PDE10A: variants seen among roughly 807,000 people sequenced by gnomAD.
PDE10A encodes the protein cAMP and cAMP-inhibited cGMP 3',5'-cyclic phosphodiesterase 10A.
Under a neutral mutation model 97.7 loss-of-function variants are expected in PDE10A, and 39 were observed. The ratio of observed to expected loss-of-function variants is 0.40; its 90% CI spans 0.31 to 0.52. The LOEUF is 0.52. Among genes scored for constraint, PDE10A ranks in the 20% least tolerant of loss-of-function variants. The pLI, the probability that PDE10A is intolerant of heterozygous loss-of-function variation, is 0.56. For synonymous variants in PDE10A, 371 were observed against 376.8 expected (o/e 0.98, Z 0.18); for missense variants, 731 against 1,047.8 (o/e 0.70, Z 4.17).
At chr6:165,818,426 A>G (rs1327671950) in intron 1 of PDE10A, among the ~76,000 whole-genome samples, 1 of 152,160 alleles carries the variant, frequency 6.6e-6, no homozygotes. Flanking sequence ...GGGAGTTGTA[A>G]AGAAAGTCAA....
chr6:165,399,052 A>G (rs888777748), intron 13 of PDE10A, among the ~76,000 whole-genome samples: 2 of 152,220 alleles, frequency 1.3e-5, no homozygotes, highest in Non-Finnish European at 2.9e-5. Flanking sequence ...GGTTGATTTC[A>G]GAACAAAGAT....
chr6:165,440,502 A>C (rs2128242966), intron 5 of PDE10A, among the ~76,000 whole-genome samples: 1 of 152,300 alleles, frequency 6.6e-6, no homozygotes, highest in South Asian at 2.1e-4. Flanking sequence ...TTACGGTGGA[A>C]AGAGCATAGC....
At position 165,673,078 on chromosome 6, in the gene PDE10A, G is replaced by A. The variant is rs1790693044; in HGVS notation, c.-614-129510C>T. ...CAGTTCAACCTAACTAACCACTTAA[G>A]TCTCAGACCTGTCATATCTAGGTGA... On this transcript the variant is annotated intron_variant, in intron 1 of 19. Coordinates refer to the PDE10A transcript ENST00000366882. Among the ~76,000 whole-genome samples, 6 of 119,876 alleles carry A rather than the reference G, an allele frequency of 5.0e-5. No homozygotes were observed. The South Asian group carries it at 1.7e-3, about 33-fold the overall frequency. The allele number at this position is 119,876 out of a possible 152,430, so 78.6% of individuals were successfully genotyped here.
At chr6:165,496,570 C>T (rs1562521346) in intron 2 of PDE10A, among the ~76,000 whole-genome samples, 1 of 152,202 alleles carries the variant, frequency 6.6e-6, no homozygotes, top group Non-Finnish European at 1.5e-5. Flanking sequence ...TTCAACTTAA[C>T]ATTAACTCTC....
At chr6:165,596,790 TACTC>T (rs1350070072) in intron 1 of PDE10A, among the ~76,000 whole-genome samples, 1 of 152,156 alleles carries the variant, frequency 6.6e-6, no homozygotes, top group Non-Finnish European at 1.5e-5. Flanking sequence ...CTTCCTGTCT[TACTC>T]AGAGAGCAGA....
intron 3 of PDE10A, among the ~76,000 whole-genome samples, chr6:165,465,758 T>C (rs1778606235): frequency 6.6e-6 from 1 of 152,096 alleles, no homozygotes; most frequent in Non-Finnish European, 1.5e-5. Flanking sequence ...TAGGGGGAAA[T>C]CGCCCCCATG....
At chr6:165,588,231 G>A (rs927265214) in intron 1 of PDE10A, among the ~76,000 whole-genome samples, 43 of 151,088 alleles carry the variant, frequency 2.8e-4, no homozygotes, top group African/African-American at 9.7e-4. Context: ...TATCTTGGGG[G>A]TGGTAGTAAA....
intron 1 of PDE10A, among the ~76,000 whole-genome samples, chr6:165,619,776 A>G (rs917180085): frequency 6.6e-6 from 1 of 151,938 alleles, no homozygotes; most frequent in Non-Finnish European, 1.5e-5. Flanking sequence ...AGACTAGTGT[A>G]GCATAGTCTA....
intron 1 of PDE10A, among the ~76,000 whole-genome samples, chr6:165,833,430 C>T (rs542463384): frequency 6.6e-6 from 1 of 152,354 alleles, no homozygotes; most frequent in Non-Finnish European, 1.5e-5. Flanking sequence ...GCAGAGGAGG[C>T]ACCTGCCCTT....
intron 1 of PDE10A, among the ~76,000 whole-genome samples, chr6:165,807,538 GC>G (rs1339768042): frequency 6.6e-6 from 1 of 152,188 alleles, no homozygotes; most frequent in African/African-American, 2.4e-5. Context: ...GAGCCTGGGG[GC>G]CAGGATGGCA....
At chr6:165,438,916 C>A (rs938980643) in intron 5 of PDE10A, among the ~76,000 whole-genome samples, 2 of 149,702 alleles carry the variant, frequency 1.3e-5, no homozygotes, top group Admixed American at 1.3e-4. Context: ...TGATATTGTG[C>A]CACCGTACTC....
At chr6:165,968,746 A>C (rs1784587939) in intron 1 of PDE10A, among the ~76,000 whole-genome samples, 1 of 152,232 alleles carries the variant, frequency 6.6e-6, no homozygotes, top group South Asian at 2.1e-4. Flanking sequence ...ATGAGCAAAA[A>C]AGATGTGATA....
At chr6:165,346,974 T>C (rs1022668985) in intron 18 of PDE10A, among the ~76,000 whole-genome samples, 4 of 152,168 alleles carry the variant, frequency 2.6e-5, no homozygotes, top group Non-Finnish European at 5.9e-5. Context: ...ACAGTGGATG[T>C]TTTGTTTAGA....
intron 2 of PDE10A, among the ~76,000 whole-genome samples, chr6:165,484,780 G>C (rs12111447): frequency 6.6e-6 from 1 of 152,166 alleles, no homozygotes; most frequent in African/African-American, 2.4e-5. Flanking sequence ...CTTTAACTCA[G>C]AATCTGACAC....
intron 1 of PDE10A, among the ~76,000 whole-genome samples, chr6:165,753,391 C>G (rs1279009898): frequency 6.6e-6 from 1 of 152,218 alleles, no homozygotes; most frequent in African/African-American, 2.4e-5. Context: ...TGAGCCACTG[C>G]AGAACCCAGG....
intron 2 of PDE10A, among the ~76,000 whole-genome samples, chr6:165,495,813 A>G (rs1356688947): frequency 2.6e-5 from 4 of 152,212 alleles, no homozygotes; most frequent in Non-Finnish European, 5.9e-5. Flanking sequence ...TCAAATATTT[A>G]CTGAGCACCT....
At chr6:165,386,810 G>A (rs1437547281) in intron 17 of PDE10A, among the ~76,000 whole-genome samples, 1 of 150,724 alleles carries the variant, frequency 6.6e-6, no homozygotes, top group Non-Finnish European at 1.5e-5. Context: ...AGACCATTCT[G>A]GCTAACACAA....
intron 1 of PDE10A, among the ~76,000 whole-genome samples, chr6:165,731,871 C>T (rs1792445485): frequency 6.6e-6 from 1 of 152,176 alleles, no homozygotes; most frequent in Non-Finnish European, 1.5e-5. Context: ...ATAAAATGGC[C>T]TCTACATTTT....
intron 1 of PDE10A, among the ~76,000 whole-genome samples, chr6:165,675,703 T>C (rs1411502251): frequency 6.6e-6 from 1 of 152,174 alleles, no homozygotes; most frequent in Non-Finnish European, 1.5e-5. Context: ...ACTGGAAAAT[T>C]ATTCATTTAT....
Sources: allele counts gnomAD v4.1 joint callset (sites outside exome capture counted in the v4.1 genomes callset), GRCh38; gene constraint gnomAD v4.1.1; transcripts MANE v1.5; gene names NCBI Gene and HGNC (gene_info 2026-07-23, HGNC 2026-07-21).